Variants in FRMPD4 observed in about 807,000 individuals in gnomAD.
FRMPD4 encodes the protein FERM and PDZ domain containing 4, also known as FERM and PDZ domain-containing protein 4.
In FRMPD4, 22 loss-of-function variants were observed where a neutral mutation model predicts 94.1. That is an observed-to-expected ratio of 0.23 (90% CI 0.17 to 0.33). The LOEUF (loss-of-function observed/expected upper bound fraction) is 0.33, where lower values mean the gene tolerates loss of function less well. Among genes scored for constraint, FRMPD4 ranks in the 10% least tolerant of loss-of-function variants. The pLI, the probability that FRMPD4 is intolerant of heterozygous loss-of-function variation, is 1.00. For synonymous variants in FRMPD4, 631 were observed against 548.6 expected (o/e 1.15, Z -2.10); for missense variants, 1,111 against 1,339.9 (o/e 0.83, Z 2.67).
chrX:12,188,941 C>T (rs1439366565), intron 1 of FRMPD4, among the ~76,000 whole-genome samples: 4 of 111,614 alleles, frequency 3.6e-5, no homozygotes, highest in African/African-American at 1.3e-4. Flanking sequence ...ACAATTAGAG[C>T]AGATACCAGT....
At chrX:11,863,039 C>T (rs2053697791) in intron 1 of FRMPD4, among the ~76,000 whole-genome samples, 1 of 98,828 alleles carries the variant, frequency 1.0e-5, no homozygotes, top group East Asian at 3.2e-4. Flanking sequence ...TACATGTGCA[C>T]AACGTGCAGG....
At chrX:12,297,859 C>G (rs1198991489) in intron 1 of FRMPD4, among the ~76,000 whole-genome samples, 1 of 111,397 alleles carries the variant, frequency 9.0e-6, no homozygotes, top group Non-Finnish European at 1.9e-5. Flanking sequence ...TTTGATCATG[C>G]CATATATCTT....
chrX:12,542,219 G>C (rs1044103488), intron 2 of FRMPD4, among the ~76,000 whole-genome samples: 2 of 112,091 alleles, frequency 1.8e-5, no homozygotes, highest in African/African-American at 6.5e-5. Flanking sequence ...ATTCAACATA[G>C]TGTTGGAAGT....
At chrX:12,142,783 ATCTC>A (rs760619855) in intron 1 of FRMPD4, among the ~76,000 whole-genome samples, 1 of 110,093 alleles carries the variant, frequency 9.1e-6, no homozygotes, top group African/African-American at 3.3e-5. Context: ...CATTTCAAGC[ATCTC>A]TCTCTCTCTC....
intron 1 of FRMPD4, among the ~76,000 whole-genome samples, chrX:12,394,493 T>C (rs2056517709): frequency 8.9e-6 from 1 of 112,006 alleles, no homozygotes; most frequent in South Asian, 3.7e-4. Flanking sequence ...TAATACATTT[T>C]TTAAAAGGTC....
intron 2 of FRMPD4, chrX:12,583,405 G>T: frequency 1.9e-5 from 21 of 1,118,800 alleles, no homozygotes; most frequent in Non-Finnish European, 2.6e-5. Context: ...CCAGTACTGG[G>T]CACACTCACC....
intron 7 of FRMPD4, among the ~76,000 whole-genome samples, chrX:12,688,417 C>A: frequency 8.9e-6 from 1 of 112,256 alleles, no homozygotes. Context: ...TTGCAGATGA[C>A]AATGAGAAGA....
intron 3 of FRMPD4, among the ~76,000 whole-genome samples, chrX:11,972,208 C>T (rs1454893685): frequency 1.8e-5 from 2 of 111,527 alleles, no homozygotes; most frequent in Non-Finnish European, 1.9e-5. Flanking sequence ...CCTAAAGCAT[C>T]GTGATTCACG....
intron 1 of FRMPD4, among the ~76,000 whole-genome samples, chrX:12,162,568 G>A (rs1292197481): frequency 8.9e-6 from 1 of 111,935 alleles, no homozygotes; most frequent in East Asian, 2.8e-4. Flanking sequence ...ATCATTTTCA[G>A]TGACATTTAC....
At chrX:12,314,774 C>G (rs2055088169) in intron 1 of FRMPD4, among the ~76,000 whole-genome samples, 1 of 111,177 alleles carries the variant, frequency 9.0e-6, no homozygotes, top group Admixed American at 9.5e-5. Flanking sequence ...AGACAAGTGA[C>G]TAGAGGACAG....
chrX:12,040,551 GC>G (rs1418532268), intron 3 of FRMPD4, among the ~76,000 whole-genome samples: 2 of 90,982 alleles, frequency 2.2e-5, no homozygotes, highest in Non-Finnish European at 4.3e-5. Flanking sequence ...ATTTATGTCT[GC>G]CTTTTTTTTT....
intron 1 of FRMPD4, among the ~76,000 whole-genome samples, chrX:12,368,822 T>G (rs147862403): frequency 0.024 from 2,659 of 111,662 alleles, 91 homozygotes; most frequent in African/African-American, 0.081. Flanking sequence ...GATGTTGCAG[T>G]GAGCCGAAGT....
At position 12,717,973 on chromosome X, in the gene FRMPD4, G is replaced by A; in HGVS notation, c.3147G>A (p.Gln1049=). The change falls in exon 16 of 17, where the codon CAG becomes CAA. Residue 1049 remains glutamine, a synonymous_variant. Coordinates refer to ENST00000675598, the MANE Select transcript of FRMPD4 (RefSeq NM_001368397.1). ...ATGGGAACACAACAGGAAAAAAACA[G>A]CAGGGGACCAAAACGGCAGAGATGG... ...PPNGNTTGKK[Q]QGTKTAEMEE... is the part of the protein sequence containing the mutation. 1.7e-6 allele frequency: 2 copies of A among 1,211,727 alleles called. No individual in the cohort carries two copies. Among genetic ancestry groups the A allele is most frequent in the African/African-American group, 1.7e-5 (1 of 57,924 alleles).
At chrX:12,715,444 C>A (rs2042061519) in intron 14 of FRMPD4, among the ~76,000 whole-genome samples, 1 of 111,926 alleles carries the variant, frequency 8.9e-6, no homozygotes, top group Non-Finnish European at 1.9e-5. Context: ...CATGGGCATG[C>A]ATGCTGACAT....
intron 3 of FRMPD4, among the ~76,000 whole-genome samples, chrX:12,612,940 G>A (rs1228923028): frequency 9.0e-6 from 1 of 111,414 alleles, no homozygotes; most frequent in Non-Finnish European, 1.9e-5. Flanking sequence ...CTTACTTCCC[G>A]GAAGGAAGAC....
intron 3 of FRMPD4, among the ~76,000 whole-genome samples, chrX:11,947,160 C>T (rs1189144323): frequency 8.9e-6 from 1 of 111,884 alleles, no homozygotes; most frequent in Non-Finnish European, 1.9e-5. Flanking sequence ...TTACTGAAGC[C>T]TAATGTAGTC....
intron 1 of FRMPD4, among the ~76,000 whole-genome samples, chrX:12,314,430 G>T (rs1014698259): frequency 9.0e-6 from 1 of 111,034 alleles, no homozygotes; most frequent in African/African-American, 3.3e-5. Context: ...AGATCCCAGA[G>T]CTGGAACTGA....
intron 3 of FRMPD4, among the ~76,000 whole-genome samples, chrX:12,077,434 T>G (rs1355484734): frequency 9.0e-6 from 1 of 111,440 alleles, no homozygotes; most frequent in Non-Finnish European, 1.9e-5. Flanking sequence ...AGGAAGGGAG[T>G]GTGGGGCTTT....
At chrX:11,977,321 C>T (rs1033174877) in intron 3 of FRMPD4, among the ~76,000 whole-genome samples, 5 of 112,210 alleles carry the variant, frequency 4.5e-5, no homozygotes, top group African/African-American at 1.3e-4. Context: ...TGCTCTGATG[C>T]GTACTGAGAA....
Sources: allele counts gnomAD v4.1 joint callset (sites outside exome capture counted in the v4.1 genomes callset), GRCh38; gene constraint gnomAD v4.1.1; transcripts MANE v1.5; gene names NCBI Gene and HGNC (gene_info 2026-07-23, HGNC 2026-07-21).